Variants in DNAJC21 observed in about 807,000 individuals in gnomAD.
DNAJC21 encodes the protein DnaJ heat shock protein family (Hsp40) member C21.
Under a neutral mutation model 72.4 loss-of-function variants are expected in DNAJC21, and 63 were observed. That is an observed-to-expected ratio of 0.87 (90% confidence interval 0.71 to 1.07). The LOEUF (loss-of-function observed/expected upper bound fraction) is 1.07, where lower values mean the gene tolerates loss of function less well. DNAJC21 is among the 50% of genes least tolerant of loss of function. The pLI, the probability that DNAJC21 is intolerant of heterozygous loss-of-function variation, is 0.00. For missense variants in DNAJC21, 634 were observed against 644.8 expected (o/e 0.98, Z 0.18); for synonymous variants, 203 against 216.7 (o/e 0.94, Z 0.56).
chr5:34,951,004 C>T, intron 10 of DNAJC21: 2 of 985,320 alleles, frequency 2.0e-6, no homozygotes, highest in Non-Finnish European at 2.4e-6. Flanking sequence ...ATTACAGAAC[C>T]CTGAAAAGAA....
At chr5:34,940,759 C>G (rs1018923785) in intron 6 of DNAJC21, among the ~76,000 whole-genome samples, 1 of 152,116 alleles carries the variant, frequency 6.6e-6, no homozygotes. Context: ...AAATCTTGCT[C>G]AAGAGGTAAA....
chr5:34,950,754 G>C lies in DNAJC21; in HGVS notation c.1358+412G>C, dbSNP rs889837636. 7 of 988,730 alleles carry C rather than the reference G, an allele frequency of 7.1e-6. No individual in the cohort carries two copies. The African/African-American group carries it at 1.2e-4, about 17-fold the overall frequency. 61.2% of individuals were successfully genotyped at this position (988,730 alleles called of 1,614,324 possible). On this transcript the variant is annotated intron_variant, in intron 10 of 11. Transcript: ENST00000648817. ...TGTGTTGGGCCCCACCATGTTGTGAGGACACATGGCAGCAGCTGGGGCCCT... is the reference window on the plus strand; with the variant it reads ...TGTGTTGGGCCCCACCATGTTGTGACGACACATGGCAGCAGCTGGGGCCCT...
chr5:34,950,847 C>T (rs1328245507), intron 10 of DNAJC21: 1 of 985,780 alleles, frequency 1.0e-6, no homozygotes, highest in African/African-American at 1.7e-5. Context: ...GAGGAGGTCT[C>T]ACCCAAGGGA....
chr5:34,953,578 C>T (rs1268669960), intron 10 of DNAJC21: 1 of 159,042 alleles, frequency 6.3e-6, no homozygotes, highest in Non-Finnish European at 1.4e-5. Flanking sequence ...TTTATGAAAA[C>T]ACTGTATAAA....
In DNAJC21 at chr5:34,937,701, A is replaced by G. The variant is rs1044133929; in HGVS notation, c.743+71A>G. On this transcript the variant is annotated intron_variant, in intron 5 of 11. Coordinates refer to ENST00000648817, the MANE Select transcript of DNAJC21 (RefSeq NM_001012339.3). ...AGAGGCAGCACCAGAGGTACCTTAC[A>G]TGTTCATGTTGGGTTCAGTCATCAG... is the stretch of plus-strand genomic sequence containing the variant. 9.9e-6 allele frequency: 15 copies of G among 1,517,302 alleles called. No homozygotes were observed. In the Admixed American group the frequency reaches 1.3e-4, roughly 13 times the overall value. The allele number at this position is 1,517,302 out of a possible 1,614,324, so 94.0% of individuals were successfully genotyped here. A position where few individuals can be genotyped will look rare whatever the true frequency, so the allele number is the denominator to read the frequency against.
intron 9 of DNAJC21, 52 bp downstream of exon 9, chr5:34,945,855 G>C: frequency 7.6e-7 from 1 of 1,308,768 alleles, no homozygotes; most frequent in African/African-American, 1.5e-5. Context: ...AAGTTGCAGT[G>C]CTCTTATTTA....
rs1217077510 is a variant in DNAJC21 at position 34,935,995 on chromosome 5, A to G, written c.316-149A>G. 11 of 1,398,970 alleles carry G rather than the reference A, an allele frequency of 7.9e-6. No homozygotes were observed. In the East Asian group the frequency reaches 2.4e-4, roughly 30 times the overall value. The allele number at this position is 1,398,970 out of a possible 1,614,324, so 86.7% of individuals were successfully genotyped here. On this transcript the variant is annotated intron_variant, in intron 3 of 11. Transcript: ENST00000648817. ...ATGTTTAAGCTGTCAGTGTATAAAA[A>G]CCTCTAGTTGAAATCTAAATGTATT...
rs572507466 is a variant in DNAJC21, at chr5:34,945,962, T to G, written c.1185+159T>G. On this transcript the variant is annotated intron_variant, in intron 9 of 11. Coordinates refer to ENST00000648817, the MANE Select transcript of DNAJC21 (RefSeq NM_001012339.3). ...AAGGAATTAGAAATATTTTCCTTTTTTAGTGCTTCCCCCCCCTTGTATGTA... is the reference window on the plus strand; with the variant it reads ...AAGGAATTAGAAATATTTTCCTTTTGTAGTGCTTCCCCCCCCTTGTATGTA... 5.9e-5 allele frequency among the ~76,000 whole-genome samples: 9 copies of G among 152,308 alleles called. No individual in the cohort carries two copies. In the South Asian group the frequency reaches 1.0e-3, roughly 18 times the overall value.
intron 8 of DNAJC21, 54 bp from the exon 9 acceptor site, chr5:34,945,707 A>G (rs6868348): frequency 0.43 from 623,064 of 1,433,936 alleles, 141,001 homozygotes; most frequent in African/African-American, 0.46. Flanking sequence ...TTTTTTTTCC[A>G]CTTACTCTTC....
intron 10 of DNAJC21, chr5:34,951,595 T>G: frequency 1.0e-6 from 1 of 972,688 alleles, no homozygotes; most frequent in Non-Finnish European, 1.2e-6. Flanking sequence ...TGGCGCAACC[T>G]CGGCTCACTG....
At position 34,938,895 on chromosome 5, in the gene DNAJC21, A is replaced by G. The variant is rs779546830; in HGVS notation, c.781A>G (p.Met261Val). Residue 261 changes from methionine (M) to valine (V), a missense_variant, in exon 6 of 12, where the codon ATG becomes GTG. Transcript: ENST00000648817. Reference sequence around the variant, plus strand: ...GTACAGAGAACAGAGCTGGATGACTATGGCCAATTTGGAGAAAGAGCTCCA... The same window carrying G: ...GTACAGAGAACAGAGCTGGATGACTGTGGCCAATTTGGAGAAAGAGCTCCA... ...EQYREQSWMT[M>V]ANLEKELQEM... The G allele has an allele frequency of 6.2e-6, 10 of 1,612,930 alleles. No individual in the cohort carries two copies. In the African/African-American group the frequency reaches 1.1e-4, roughly 17 times the overall value.
At chr5:34,939,195 A>G (rs192632749) in intron 6 of DNAJC21, among the ~76,000 whole-genome samples, 186 bp downstream of exon 6, 1 of 152,292 alleles carries the variant, frequency 6.6e-6, no homozygotes, top group East Asian at 1.9e-4. Flanking sequence ...TTTTCTGACC[A>G]TGTCCTAAAC....
chr5:34,941,214 T>G (rs781293954), intron 7 of DNAJC21, 31 bp downstream of exon 7: 2 of 1,591,784 alleles, frequency 1.3e-6, no homozygotes, highest in Non-Finnish European at 1.7e-6. Context: ...TAATTTAATT[T>G]TGAGACAGGG....
intron 10 of DNAJC21, chr5:34,951,637 C>T: frequency 1.1e-6 from 1 of 880,966 alleles, no homozygotes; most frequent in Non-Finnish European, 1.4e-6. Flanking sequence ...AAGCAATTCT[C>T]CTGCCTCAGC....
chr5:34,951,851 T>C (rs1007036235), intron 10 of DNAJC21: 1 of 985,350 alleles, frequency 1.0e-6, no homozygotes, highest in East Asian at 1.1e-4. Flanking sequence ...TGAGAATTGA[T>C]CTGGGGAGGA....
intron 7 of DNAJC21, 118 bp from the exon 8 acceptor site, chr5:34,944,749 A>C: frequency 7.6e-7 from 1 of 1,323,636 alleles, no homozygotes; most frequent in Non-Finnish European, 1.1e-6. Context: ...ATAGAATCAG[A>C]AACGTTTTGC....
intron 7 of DNAJC21, among the ~76,000 whole-genome samples, chr5:34,942,457 A>G (rs532610453): frequency 5.3e-5 from 8 of 152,184 alleles, no homozygotes; most frequent in Non-Finnish European, 1.0e-4. Flanking sequence ...AAATGGTATT[A>G]CCATATGACC....
intron 10 of DNAJC21, 116 bp downstream of exon 10, chr5:34,950,458 T>C: frequency 6.9e-7 from 1 of 1,448,776 alleles, no homozygotes; most frequent in Non-Finnish European, 9.1e-7. Flanking sequence ...TTTAGATGTA[T>C]CTGTACATAT....
chr5:34,938,900 C>T lies in DNAJC21; in HGVS notation c.786C>T (p.Ala262=). ...GAGAACAGAGCTGGATGACTATGGC[C>T]AATTTGGAGAAAGAGCTCCAGGAGA... The part of the protein sequence containing the change: ...QYREQSWMTM[A]NLEKELQEME... The change falls in exon 6 of 12, where the codon GCC becomes GCT. Residue 262 remains alanine (A), a synonymous_variant. Transcript: ENST00000648817. The T allele has an allele frequency of 3.7e-6, 6 of 1,613,938 alleles. No individual in the cohort carries two copies. Among genetic ancestry groups the T allele is most frequent in the Non-Finnish European group, 5.1e-6 (6 of 1,179,994 alleles).
Sources: gnomAD v4.1 joint callset for allele counts (sites outside exome capture counted in the v4.1 genomes callset) on GRCh38, gnomAD v4.1.1 for gene constraint, MANE v1.5 for transcripts, NCBI Gene and HGNC (gene_info 2026-07-23, HGNC 2026-07-21) for gene names.